CYP20A1: variants seen among roughly 807,000 people sequenced by gnomAD.
CYP20A1 encodes the protein cytochrome P450 family 20 subfamily A member 1.
In CYP20A1, 61 loss-of-function variants were observed where a neutral mutation model predicts 61.4. The ratio of observed to expected loss-of-function variants is 0.99; its 90% confidence interval spans 0.81 to 1.23. The LOEUF is 1.23. CYP20A1 is among the 50% of genes most tolerant of loss of function. CYP20A1 has a pLI of 0.00. For missense variants in CYP20A1, 530 were observed against 542.4 expected (o/e 0.98, Z 0.23); for synonymous variants, 193 against 188.2 (o/e 1.03, Z -0.21).
rs113779945 is a variant in CYP20A1, at chr2:203,266,492, G to T, written c.433-22G>T. ...TTAGAAAGAAGAAACAGTAATCATT[G>T]TGCTTTTCTGTTCTCTTTCAGCTTT... On this transcript the variant is annotated intron_variant, in intron 4 of 12. Coordinates refer to ENST00000356079, the MANE Select transcript of CYP20A1 (RefSeq NM_177538.3). The T allele has an allele frequency of 1.4e-5, 22 of 1,602,466 alleles. No individual in the cohort carries two copies. The African/African-American group carries it at 1.6e-4, about 12-fold the overall frequency.
intron 3 of CYP20A1, 27 bp downstream of exon 3, chr2:203,246,948 C>T (rs562102428): frequency 6.2e-7 from 1 of 1,604,426 alleles, no homozygotes; most frequent in South Asian, 1.1e-5. Flanking sequence ...TTCTAATTAC[C>T]TGATCCTTAC....
chr2:203,304,603 G>A lies in CYP20A1; in HGVS notation c.*7695G>A, dbSNP rs935515093. 6.6e-6 allele frequency among the ~76,000 whole-genome samples: 1 copy of A among 152,058 alleles called. No homozygotes were observed. Among genetic ancestry groups the A allele is most frequent in the Non-Finnish European group, 1.5e-5 (1 of 68,026 alleles). ...ACATACATACATTTTTACATAGTAC[G>A]TTCATTGCAGCATGAGTTACTTTTC... On this transcript the variant is annotated 3_prime_UTR_variant, in exon 13 of 13. Transcript: ENST00000356079.
intron 1 of CYP20A1, among the ~76,000 whole-genome samples, chr2:203,244,076 G>A (rs947991647): frequency 2.6e-5 from 4 of 151,850 alleles, no homozygotes; most frequent in Admixed American, 6.6e-5. Context: ...TATATTCCAC[G>A]TTACCTCCTA....
intron 3 of CYP20A1, among the ~76,000 whole-genome samples, chr2:203,249,470 G>C (rs2105905414): frequency 6.6e-6 from 1 of 152,230 alleles, no homozygotes; most frequent in Middle Eastern, 3.4e-3. Flanking sequence ...AAATAAAAAG[G>C]CACCATGACA....
At chr2:203,282,329 T>C (rs1014878671) in intron 8 of CYP20A1, among the ~76,000 whole-genome samples, 1 of 152,102 alleles carries the variant, frequency 6.6e-6, no homozygotes, top group Admixed American at 6.6e-5. Context: ...CCTGCCTTAT[T>C]CAACCTTTTT....
rs1553513993 is a variant in CYP20A1 at position 203,251,793 on chromosome 2, G to GTATATATATATATATATATATATGTATA, written c.290-151_290-150insGTATATATATATATATATATATATATAT. ...TCAAAAGAAAACTATATATATATGT[G>GTATATATATATATATATATATATGTATA]TATATATATATATATATATATATAA... On this transcript the variant is annotated intron_variant, in intron 3 of 12. Transcript: ENST00000356079. 2.3e-3 allele frequency among the ~76,000 whole-genome samples: 149 copies of GTATATATATATATATATATATATGTATA among 64,154 alleles called. 7 individuals are homozygous for GTATATATATATATATATATATATGTATA. Among genetic ancestry groups the GTATATATATATATATATATATATGTATA allele is most frequent in the African/African-American group, 6.1e-3 (148 of 24,450 alleles). The allele number at this position is 64,154 out of a possible 152,430, so 42.1% of individuals were successfully genotyped here.
At chr2:203,279,009 G>A (rs767307956) in intron 7 of CYP20A1, among the ~76,000 whole-genome samples, 3 of 151,894 alleles carry the variant, frequency 2.0e-5, no homozygotes, top group South Asian at 2.1e-4. Flanking sequence ...TATGTCGCCC[G>A]GCTGGAGTGC....
chr2:203,244,357 A>T (rs1353754659), intron 1 of CYP20A1, among the ~76,000 whole-genome samples: 1 of 151,978 alleles, frequency 6.6e-6, no homozygotes, highest in Non-Finnish European at 1.5e-5. Context: ...GTGTGCCACC[A>T]TGCCCAGCTA....
Position 203,303,407 on chromosome 2 carries a change from T to C in CYP20A1, c.*6499T>C, listed in dbSNP as rs115405605. The stretch of plus-strand genomic sequence containing the variant: ...ATCAACAGGTTTAAATGGTGTGCTA[T>C]TCATAATTATTGCAAAAATAGGCCG... On this transcript the variant is annotated 3_prime_UTR_variant, in exon 13 of 13. Transcript: ENST00000356079. 3.1e-3 allele frequency among the ~76,000 whole-genome samples: 466 copies of C among 152,160 alleles called. 1 individual carries two copies. Among genetic ancestry groups the C allele is most frequent in the African/African-American group, 0.011 (449 of 41,542 alleles).
At chr2:203,296,637 G>A (rs2068809326) in intron 12 of CYP20A1, 74 bp downstream of exon 12, 1 of 1,402,898 alleles carries the variant, frequency 7.1e-7, no homozygotes, top group East Asian at 2.5e-5. Flanking sequence ...CAATCTGTAT[G>A]ATTAAAGTAT....
intron 6 of CYP20A1, 72 bp downstream of exon 6, chr2:203,272,820 G>T: frequency 2.4e-6 from 2 of 828,038 alleles, no homozygotes; most frequent in Admixed American, 2.6e-5. Context: ...AGTAATCTCT[G>T]AATAGTGAGA....
At chr2:203,281,054 G>T (rs976340826) in intron 8 of CYP20A1, among the ~76,000 whole-genome samples, 1 of 152,120 alleles carries the variant, frequency 6.6e-6, no homozygotes, top group Non-Finnish European at 1.5e-5. Flanking sequence ...CCTCTCGTTG[G>T]AATTGAAGGT....
Position 203,248,049 on chromosome 2 carries a change from G to A in CYP20A1, c.289+1128G>A, listed in dbSNP as rs548561476. ...AAGACCAGTCTGGGCAACATAGTGA[G>A]ACCCCATTGCTACAAAAAATACAAA... is the stretch of plus-strand genomic sequence containing the variant. On this transcript the variant is annotated intron_variant, in intron 3 of 12. Transcript: ENST00000356079. 2.6e-5 allele frequency among the ~76,000 whole-genome samples: 4 copies of A among 152,092 alleles called. 1 individual carries two copies. In the South Asian group the frequency reaches 8.3e-4, roughly 32 times the overall value.
At position 203,295,546 on chromosome 2, in the gene CYP20A1, T is replaced by C. The variant is rs995600157; in HGVS notation, c.1149-928T>C. On this transcript the variant is annotated intron_variant, in intron 11 of 12. Coordinates refer to ENST00000356079, the MANE Select transcript of CYP20A1 (RefSeq NM_177538.3). Reference sequence around the variant, plus strand: ...CTTAAATTTATTTAAAAATTCATTATATGATTTTCTATGATTTATCCTTAT... The same window carrying C: ...CTTAAATTTATTTAAAAATTCATTACATGATTTTCTATGATTTATCCTTAT... 3.9e-5 allele frequency among the ~76,000 whole-genome samples: 6 copies of C among 152,256 alleles called. No individual in the cohort carries two copies. The South Asian group carries it at 1.2e-3, about 31-fold the overall frequency.
At chr2:203,280,245 A>T in intron 8 of CYP20A1, 132 bp downstream of exon 8, 1 of 589,686 alleles carries the variant, frequency 1.7e-6, no homozygotes, top group Non-Finnish European at 2.7e-6. Context: ...GTTGGAGGCC[A>T]GCTCAGAAAA....
intron 4 of CYP20A1, among the ~76,000 whole-genome samples, chr2:203,256,730 A>T (rs2066908345): frequency 1.3e-5 from 2 of 152,116 alleles, no homozygotes; most frequent in Admixed American, 1.3e-4. Flanking sequence ...GAAGGTAGGG[A>T]CTATTTTATT....
intron 7 of CYP20A1, among the ~76,000 whole-genome samples, chr2:203,279,082 A>G (rs2067941214): frequency 6.6e-6 from 1 of 152,120 alleles, no homozygotes; most frequent in Non-Finnish European, 1.5e-5. Context: ...CTCCTGCCTC[A>G]GCCTCCCAAG....
rs553080987 is a variant in CYP20A1, at chr2:203,245,123, G to A, written c.73-723G>A. ...TGGCTCAGTGCAACCTCTGCCTCCCGGGTTCAAACAATTCTGCCTCAGCCT... is the reference window on the plus strand; with the variant it reads ...TGGCTCAGTGCAACCTCTGCCTCCCAGGTTCAAACAATTCTGCCTCAGCCT... On this transcript the variant is annotated intron_variant, in intron 1 of 12. Transcript: ENST00000356079. Among the ~76,000 whole-genome samples, 585 of 141,116 alleles carry A rather than the reference G, an allele frequency of 4.1e-3. 7 individuals are homozygous for A. Among genetic ancestry groups the A allele is most frequent in the African/African-American group, 0.015 (555 of 37,184 alleles). 92.6% of individuals were successfully genotyped at this position (141,116 alleles called of 152,430 possible).
intron 4 of CYP20A1, among the ~76,000 whole-genome samples, chr2:203,262,595 T>A (rs1015809936): frequency 1.3e-5 from 2 of 150,242 alleles, no homozygotes; most frequent in African/African-American, 4.8e-5. Flanking sequence ...AGATCGTTAA[T>A]AAACAGTGCT....
Sources: gnomAD v4.1 joint callset for allele counts (sites outside exome capture counted in the v4.1 genomes callset) on GRCh38, gnomAD v4.1.1 for gene constraint, MANE v1.5 for transcripts, NCBI Gene and HGNC (gene_info 2026-07-23, HGNC 2026-07-21) for gene names.